The following CTTNBP2 variants were observed in gnomAD, a reference collection of about 807,000 sequenced individuals.
CTTNBP2 encodes cortactin binding protein 2, also known as cortactin-binding protein 2.
A neutral mutation model predicts 156.9 loss-of-function variants in CTTNBP2; 108 were observed. The ratio of observed to expected loss-of-function variants is 0.69; its 90% CI spans 0.59 to 0.81. CTTNBP2 has a LOEUF of 0.81. Ranked by LOEUF, CTTNBP2 falls within the 30% of genes least tolerant of loss-of-function variation. The pLI is 0.00. For missense variants in CTTNBP2, 1,924 were observed against 2,035.4 expected (o/e 0.95, Z 1.05); for synonymous variants, 767 against 751.8 (o/e 1.02, Z -0.33).
chr7:117,819,977 G>A (rs1037200596), intron 2 of CTTNBP2, among the ~76,000 whole-genome samples: 9 of 152,170 alleles, frequency 5.9e-5, no homozygotes. Context: ...TGAAAGGCTT[G>A]GTTGCACAGA....
intron 16 of CTTNBP2, among the ~76,000 whole-genome samples, chr7:117,734,380 T>C (rs35258964): frequency 0.035 from 5,388 of 152,326 alleles, 311 homozygotes; most frequent in African/African-American, 0.12. Flanking sequence ...TAAATAATGA[T>C]GTATTCGATT....
At chr7:117,730,866 AT>A (rs57423685) in intron 16 of CTTNBP2, among the ~76,000 whole-genome samples, 38,132 of 151,972 alleles carry the variant, frequency 0.25, 5,199 homozygotes, top group African/African-American at 0.3. Flanking sequence ...AATATTCAGA[AT>A]TAAATATAAT....
At chr7:117,746,658 G>A (rs964077551) in intron 12 of CTTNBP2, among the ~76,000 whole-genome samples, 1 of 152,104 alleles carries the variant, frequency 6.6e-6, no homozygotes, top group African/African-American at 2.4e-5. Context: ...GTACATGAGT[G>A]TCATCTTTTT....
intron 3 of CTTNBP2, among the ~76,000 whole-genome samples, chr7:117,807,580 A>G (rs750834393): frequency 6.6e-6 from 1 of 152,174 alleles, no homozygotes; most frequent in Non-Finnish European, 1.5e-5. Flanking sequence ...AAATATGTCC[A>G]GTAGTTGCTT....
chr7:117,873,158 C>G (rs532799843), intron 1 of CTTNBP2, among the ~76,000 whole-genome samples, 177 bp downstream of exon 1: 3 of 152,134 alleles, frequency 2.0e-5, no homozygotes, highest in Non-Finnish European at 4.4e-5. Flanking sequence ...TCCGCTCCCC[C>G]CCGCGGCCTC....
intron 22 of CTTNBP2, chr7:117,715,722 AATAAAG>A (rs775008964): frequency 7.2e-5 from 11 of 152,204 alleles, no homozygotes; most frequent in African/African-American, 1.2e-4. Flanking sequence ...TGTTGCAAAT[AATAAAG>A]ATAACTTACT....
chr7:117,735,187 G>T, intron 15 of CTTNBP2, 82 bp downstream of exon 15: 1 of 1,585,866 alleles, frequency 6.3e-7, no homozygotes. Context: ...AGAACATGAA[G>T]TATAACTGGT....
At chr7:117,803,537 G>A (rs550936345) in intron 3 of CTTNBP2, among the ~76,000 whole-genome samples, 5 of 152,076 alleles carry the variant, frequency 3.3e-5, no homozygotes, top group South Asian at 2.1e-4. Flanking sequence ...AAATAAAATC[G>A]AAATTATTTT....
intron 8 of CTTNBP2, among the ~76,000 whole-genome samples, chr7:117,771,475 A>G (rs34782757): frequency 0.091 from 13,856 of 152,152 alleles, 913 homozygotes; most frequent in African/African-American, 0.18. Context: ...ATGGCCAAAG[A>G]TGAAGTTGGC....
At position 117,771,491 on chromosome 7, in the gene CTTNBP2, C is replaced by A. The variant is rs116810080; in HGVS notation, c.2779-4315G>T. On this transcript the variant is annotated intron_variant, in intron 8 of 22. Transcript: ENST00000160373. The stretch of plus-strand genomic sequence containing the variant: ...TGGCCAAAGATGAAGTTGGCTGCTG[C>A]CAGCTGTGAAGGGCTGAGTGCTATG... Among the ~76,000 whole-genome samples the A allele has an allele frequency of 5.3e-3, 804 of 152,272 alleles. 5 individuals are homozygous for A. Among genetic ancestry groups the A allele is most frequent in the African/African-American group, 0.017 (708 of 41,556 alleles).
intron 9 of CTTNBP2, among the ~76,000 whole-genome samples, chr7:117,764,308 C>G (rs1016788854): frequency 6.6e-6 from 1 of 152,130 alleles, no homozygotes; most frequent in Admixed American, 6.5e-5. Flanking sequence ...ACTTCCCATA[C>G]TCATCTCCCT....
chr7:117,844,049 GA>G (rs113782556), intron 2 of CTTNBP2, among the ~76,000 whole-genome samples: 43,944 of 151,902 alleles, frequency 0.29, 6,894 homozygotes, highest in African/African-American at 0.4. Flanking sequence ...AAGCAGAAAC[GA>G]AGAGAGAGAG....
chr7:117,736,291 C>CA (rs2116495927), intron 14 of CTTNBP2, among the ~76,000 whole-genome samples: 1 of 152,070 alleles, frequency 6.6e-6, no homozygotes, highest in East Asian at 1.9e-4. Context: ...CCTGCCTGTA[C>CA]AAAAAATACA....
chr7:117,728,265 G>C lies in CTTNBP2; in HGVS notation c.3879C>G (p.Phe1293Leu). The C allele has an allele frequency of 6.2e-7, 1 of 1,607,524 alleles. No homozygotes were observed. Residue 1293 changes from phenylalanine (F) to leucine (L), a missense_variant and splice_region_variant, in exon 17 of 23, where the codon TTC (phenylalanine) becomes TTG (leucine). By Grantham distance (22) the Phe-to-Leu change is conservative. Coordinates refer to ENST00000160373, the MANE Select transcript of CTTNBP2 (RefSeq NM_033427.3). ...CGCAGGGGGAGGGCGCCTGACCTTT[G>C]AACTAGAGAGACAGGGAGGTGGAAC... Reference protein sequence around the residue: ...RFLRRKVVNKFKGQAPSPCDP... With the variant: ...RFLRRKVVNKLKGQAPSPCDP...
At chr7:117,869,018 TGG>T (rs1304439548) in intron 1 of CTTNBP2, among the ~76,000 whole-genome samples, 3 of 152,156 alleles carry the variant, frequency 2.0e-5, no homozygotes, top group Non-Finnish European at 4.4e-5. Flanking sequence ...CACACCCCAA[TGG>T]GTGATGTGGC....
Position 117,760,549 on chromosome 7 carries a change from G to T in CTTNBP2, c.3058C>A (p.His1020Asn), listed in dbSNP as rs200207426. ...SKAVSQALTNHFQAISSDGWW... is the reference protein window; with the variant it reads ...SKAVSQALTNNFQAISSDGWW... ...CCATCAGAAGAGATTGCCTGGAAAT[G>T]ATTTGTCAGAGCTTGACTCACTGCT... The change falls in exon 10 of 23, where the codon CAT becomes AAT. Residue 1020 changes from histidine to asparagine, a missense_variant. Physicochemically the swap from His to Asn is moderately conservative, Grantham distance 68. Coordinates refer to ENST00000160373, the MANE Select transcript of CTTNBP2 (RefSeq NM_033427.3). 1.0e-4 allele frequency: 162 copies of T among 1,614,172 alleles called. No homozygotes were observed. In the Admixed American group the frequency reaches 1.5e-3, roughly 15 times the overall value.
intron 3 of CTTNBP2, among the ~76,000 whole-genome samples, chr7:117,800,567 C>T (rs1199279437): frequency 1.3e-5 from 2 of 152,046 alleles, no homozygotes; most frequent in Admixed American, 6.6e-5. Context: ...TGGCCTTATA[C>T]AGCGGTATGA....
chr7:117,794,875 A>AGCTTT (rs1563015542), intron 3 of CTTNBP2, among the ~76,000 whole-genome samples: 4 of 124,104 alleles, frequency 3.2e-5, no homozygotes, highest in African/African-American at 1.4e-4. Context: ...TTATATGTAT[A>AGCTTT]TCTTTTTTTT....
At chr7:117,852,421 G>C (rs1387268911) in intron 2 of CTTNBP2, among the ~76,000 whole-genome samples, 1 of 152,072 alleles carries the variant, frequency 6.6e-6, no homozygotes, top group Non-Finnish European at 1.5e-5. Context: ...GGAAAGAGCA[G>C]TTCCTTAGTA....
Sources: gnomAD v4.1 joint callset for allele counts (sites outside exome capture counted in the v4.1 genomes callset) on GRCh38, gnomAD v4.1.1 for gene constraint, MANE v1.5 for transcripts, NCBI Gene and HGNC (gene_info 2026-07-23, HGNC 2026-07-21) for gene names.